HCN1: variants seen among roughly 807,000 people sequenced by gnomAD.
HCN1 encodes potassium/sodium hyperpolarization-activated cyclic nucleotide-gated channel 1.
In HCN1, 13 loss-of-function variants were observed where a neutral mutation model predicts 78.9. That is an observed-to-expected ratio of 0.16 (90% CI 0.11 to 0.26). The LOEUF is 0.26. Among genes scored for constraint, HCN1 ranks in the 10% least tolerant of loss-of-function variants. The pLI is 1.00. For synonymous variants in HCN1, 552 were observed against 455.5 expected, an observed-to-expected ratio of 1.21 and a Z score of -2.70; for missense variants, 810 against 1,154.3, an observed-to-expected ratio of 0.70 and a Z score of 4.32.
intron 2 of HCN1, among the ~76,000 whole-genome samples, chr5:45,511,391 G>C (rs987711705): frequency 1.3e-5 from 2 of 151,962 alleles, no homozygotes; most frequent in African/African-American, 2.4e-5. Context: ...TTCCTTCCAA[G>C]ATACAATATG....
chr5:45,278,359 T>C (rs1253159600), intron 6 of HCN1, among the ~76,000 whole-genome samples: 2 of 152,142 alleles, frequency 1.3e-5, no homozygotes, highest in East Asian at 1.9e-4. Context: ...GAAGTATTCA[T>C]AGAGGACGAC....
chr5:45,581,313 T>A (rs1744067148), intron 2 of HCN1, among the ~76,000 whole-genome samples: 1 of 151,658 alleles, frequency 6.6e-6, no homozygotes, highest in Admixed American at 6.6e-5. Context: ...TGTTCATGTG[T>A]CTTTCGGCTG....
At chr5:45,420,062 T>A (rs992938468) in intron 3 of HCN1, among the ~76,000 whole-genome samples, 4 of 152,180 alleles carry the variant, frequency 2.6e-5, no homozygotes, top group African/African-American at 9.7e-5. Flanking sequence ...CACTAATAAA[T>A]CTATGCACTG....
chr5:45,634,055 G>T (rs1745316502), intron 2 of HCN1, among the ~76,000 whole-genome samples: 1 of 151,920 alleles, frequency 6.6e-6, no homozygotes, highest in Non-Finnish European at 1.5e-5. Context: ...GGCAAATCTG[G>T]GTAATAGGGC....
intron 2 of HCN1, among the ~76,000 whole-genome samples, chr5:45,554,158 C>T (rs1366441989): frequency 3.3e-5 from 5 of 151,798 alleles, no homozygotes; most frequent in South Asian, 2.1e-4. Flanking sequence ...TTGAATGAGT[C>T]AATAAGCAGT....
At chr5:45,557,307 C>G (rs1009112533) in intron 2 of HCN1, among the ~76,000 whole-genome samples, 1 of 152,048 alleles carries the variant, frequency 6.6e-6, no homozygotes, top group African/African-American at 2.4e-5. Flanking sequence ...CGTCACTGAG[C>G]CATGTACATT....
chr5:45,570,189 T>C (rs1743796630), intron 2 of HCN1, among the ~76,000 whole-genome samples: 1 of 152,142 alleles, frequency 6.6e-6, no homozygotes, highest in African/African-American at 2.4e-5. Flanking sequence ...TCTTTCTTCC[T>C]TCTTCTCTTC....
chr5:45,627,646 T>A (rs892344718), intron 2 of HCN1, among the ~76,000 whole-genome samples: 1 of 152,152 alleles, frequency 6.6e-6, no homozygotes, highest in Non-Finnish European at 1.5e-5. Flanking sequence ...ACCACATATA[T>A]GCTGTTAGAA....
intron 2 of HCN1, among the ~76,000 whole-genome samples, chr5:45,629,766 G>A (rs1020390679): frequency 1.3e-5 from 2 of 151,886 alleles, no homozygotes; most frequent in African/African-American, 4.8e-5. Context: ...CTCCCTATTG[G>A]TTTAGACAAA....
intron 1 of HCN1, among the ~76,000 whole-genome samples, chr5:45,692,028 T>C (rs1385208872): frequency 6.6e-6 from 1 of 152,200 alleles, no homozygotes; most frequent in Non-Finnish European, 1.5e-5. Flanking sequence ...AGCAAGATGT[T>C]GGCTGGCAAT....
At position 45,265,806 on chromosome 5, in the gene HCN1, T is replaced by C. The variant is rs148665328; in HGVS notation, c.1783+1283A>G. ...CATTGTATACTAGGTACTGTGAATG[T>C]AATGGTGAATTAAACATGAGCTCTA... On this transcript the variant is annotated intron_variant, in intron 7 of 7. Coordinates refer to ENST00000303230, the MANE Select transcript of HCN1 (RefSeq NM_021072.4). Among the ~76,000 whole-genome samples the C allele has an allele frequency of 2.5e-3, 383 of 152,328 alleles. 5 individuals are homozygous for C. The highest frequency in any genetic ancestry group is 8.3e-3 in the African/African-American group (346 of 41,582).
At chr5:45,668,889 T>C (rs1746100006) in intron 1 of HCN1, among the ~76,000 whole-genome samples, 1 of 151,882 alleles carries the variant, frequency 6.6e-6, no homozygotes, top group African/African-American at 2.4e-5. Flanking sequence ...TCAGCTCTAT[T>C]CATGTTTATT....
intron 5 of HCN1, among the ~76,000 whole-genome samples, chr5:45,338,819 C>T (rs1746517129): frequency 6.6e-6 from 1 of 152,096 alleles, no homozygotes; most frequent in Non-Finnish European, 1.5e-5. Context: ...AACTTTTCTT[C>T]AAAAATCAGG....
intron 2 of HCN1, among the ~76,000 whole-genome samples, chr5:45,527,050 CCT>C (rs1742750857): frequency 7.9e-6 from 1 of 127,316 alleles, no homozygotes; most frequent in Non-Finnish European, 1.7e-5. Flanking sequence ...CTCTTTTCTC[CCT>C]CTTTCTCTCT....
chr5:45,580,333 A>T (rs1178528816), intron 2 of HCN1, among the ~76,000 whole-genome samples: 1 of 152,064 alleles, frequency 6.6e-6, no homozygotes, highest in Non-Finnish European at 1.5e-5. Context: ...AATCAGAGTG[A>T]TTCAAAGTGA....
chr5:45,649,744 A>T lies in HCN1; in HGVS notation c.426-4136T>A, dbSNP rs1249763195. On this transcript the variant is annotated intron_variant, in intron 1 of 7. Transcript: ENST00000303230. ...ATATATTTTCTGCTATAAGATAGAT[A>T]GCATCTAAGATAGCAAATGTTAAGA... 2.0e-5 allele frequency among the ~76,000 whole-genome samples: 3 copies of T among 152,284 alleles called. No homozygotes were observed. In the East Asian group the frequency reaches 5.8e-4, roughly 29 times the overall value.
intron 3 of HCN1, among the ~76,000 whole-genome samples, chr5:45,457,582 C>T (rs537250667): frequency 1.3e-5 from 2 of 152,194 alleles, no homozygotes; most frequent in Admixed American, 1.3e-4. Context: ...ATTTAAGTAG[C>T]CTGCACTTTT....
At chr5:45,403,956 C>A (rs1739871195) in intron 3 of HCN1, among the ~76,000 whole-genome samples, 1 of 152,164 alleles carries the variant, frequency 6.6e-6, no homozygotes, top group Admixed American at 6.5e-5. Context: ...TCAACCCATG[C>A]AGTCTCCTTC....
At chr5:45,297,507 G>T (rs1745523091) in intron 6 of HCN1, among the ~76,000 whole-genome samples, 2 of 152,034 alleles carry the variant, frequency 1.3e-5, no homozygotes, top group Admixed American at 6.6e-5. Context: ...AGGCCCAAAA[G>T]TTGTCACCAG....
Sources: gnomAD v4.1 joint callset for allele counts (sites outside exome capture counted in the v4.1 genomes callset) on GRCh38, gnomAD v4.1.1 for gene constraint, MANE v1.5 for transcripts, NCBI Gene and HGNC (gene_info 2026-07-23, HGNC 2026-07-21) for gene names.